ANKRD22: variants seen among roughly 807,000 people sequenced by gnomAD.
The protein encoded by ANKRD22 is ankyrin repeat domain 22, also known as ankyrin repeat domain-containing protein 22.
Under a neutral mutation model 25.7 loss-of-function variants are expected in ANKRD22, and 24 were observed. The observed-to-expected ratio is 0.93, with a 90% CI of 0.68 to 1.31. The LOEUF (loss-of-function observed/expected upper bound fraction) is 1.31. Ranked by LOEUF, ANKRD22 falls within the 50% of genes most tolerant of loss-of-function variation. The pLI is 0.00. For synonymous variants in ANKRD22, 84 were observed against 84.3 expected, an observed-to-expected ratio of 1.00 and a Z score of 0.02; for missense variants, 214 against 227.1, an observed-to-expected ratio of 0.94 and a Z score of 0.37.
At chr10:88,846,879 G>A (rs935480878) in intron 1 of ANKRD22, among the ~76,000 whole-genome samples, 3 of 152,102 alleles carry the variant, frequency 2.0e-5, no homozygotes, top group Non-Finnish European at 4.4e-5. Flanking sequence ...TTTTATCAGT[G>A]ATGATCTTGG....
rs1843777163 is a variant in ANKRD22 at position 88,820,445 on chromosome 10, C to T, written c.*2496G>A. 1 of 1,552,034 alleles carries T rather than the reference C, an allele frequency of 6.4e-7. No individual in the cohort carries two copies. The highest frequency in any genetic ancestry group is 1.4e-5 in the African/African-American group (1 of 73,176). On this transcript the variant is annotated 3_prime_UTR_variant, in exon 6 of 6. Transcript: ENST00000371930. ...CCGTATGTACAATGAAATCATCCAT[C>T]TGATGCAGCAGGAGGAGACCAACCT... is the stretch of plus-strand genomic sequence containing the variant.
chr10:88,834,763 C>T (rs960357856), intron 1 of ANKRD22, among the ~76,000 whole-genome samples: 2 of 151,996 alleles, frequency 1.3e-5, no homozygotes, highest in African/African-American at 2.4e-5. Flanking sequence ...GGAGAAACCC[C>T]ATCCCTATTA....
intron 3 of ANKRD22, 122 bp downstream of exon 3, chr10:88,828,437 A>G: frequency 1.3e-6 from 1 of 770,626 alleles, no homozygotes; most frequent in South Asian, 1.6e-5. Flanking sequence ...CAATTACAGA[A>G]TACAAACCAA....
At chr10:88,823,820 T>C (rs1186087806) in intron 4 of ANKRD22, among the ~76,000 whole-genome samples, 83 of 42,784 alleles carry the variant, frequency 1.9e-3, no homozygotes, top group East Asian at 1.8e-3. Flanking sequence ...AGAGCGAGAC[T>C]CCGTCTCAAA....
intron 1 of ANKRD22, among the ~76,000 whole-genome samples, chr10:88,835,073 G>T (rs2133075619): frequency 6.6e-6 from 1 of 152,200 alleles, no homozygotes; most frequent in Middle Eastern, 3.4e-3. Flanking sequence ...ACATTACACT[G>T]GTTCTCTTCA....
At chr10:88,831,526 G>C (rs1205004052) in intron 2 of ANKRD22, among the ~76,000 whole-genome samples, 1 of 152,070 alleles carries the variant, frequency 6.6e-6, no homozygotes, top group African/African-American at 2.4e-5. Context: ...AGAGGGGAGA[G>C]GAAGAAAGAG....
intron 2 of ANKRD22, among the ~76,000 whole-genome samples, chr10:88,831,015 A>G (rs1236427838): frequency 1.3e-5 from 2 of 150,468 alleles, no homozygotes; most frequent in Non-Finnish European, 3.0e-5. Flanking sequence ...CTGATAATAC[A>G]TTGTTACTCC....
chr10:88,843,994 C>T (rs181039613), intron 1 of ANKRD22, among the ~76,000 whole-genome samples: 1 of 152,158 alleles, frequency 6.6e-6, no homozygotes, highest in East Asian at 1.9e-4. Context: ...ACAAACCCGA[C>T]ATTTTTAAAA....
chr10:88,847,543 G>A (rs1844060962), intron 1 of ANKRD22, among the ~76,000 whole-genome samples: 1 of 152,194 alleles, frequency 6.6e-6, no homozygotes, highest in African/African-American at 2.4e-5. Context: ...ACAGGCATGA[G>A]CCACTGCGCC....
intron 1 of ANKRD22, among the ~76,000 whole-genome samples, chr10:88,834,857 C>A (rs575279005): frequency 6.6e-6 from 1 of 151,994 alleles, no homozygotes; most frequent in South Asian, 2.1e-4. Context: ...ACAGGAGAAT[C>A]GCTTGATTCG....
At chr10:88,836,583 T>C (rs1431534709) in intron 1 of ANKRD22, among the ~76,000 whole-genome samples, 1 of 152,198 alleles carries the variant, frequency 6.6e-6, no homozygotes, top group Admixed American at 6.5e-5. Flanking sequence ...ACATTCTATC[T>C]CCAATCACTT....
At chr10:88,850,828 T>A (rs1262599737) in intron 1 of ANKRD22, among the ~76,000 whole-genome samples, 1 of 151,982 alleles carries the variant, frequency 6.6e-6, no homozygotes, top group Non-Finnish European at 1.5e-5. Context: ...TAATACTAGA[T>A]CAAAACTATC....
At position 88,823,528 on chromosome 10, in the gene ANKRD22, A is replaced by G. The variant is rs564306235; in HGVS notation, c.400-150T>C. On this transcript the variant is annotated intron_variant, in intron 4 of 5. Transcript: ENST00000371930. ...AAACCATTGATAGACAACTATTTCT[A>G]GTACTTAAAAAATTTTTCGCCGGGC... The G allele has an allele frequency of 1.3e-4, 85 of 657,320 alleles. 1 individual carries two copies. In the South Asian group the frequency reaches 1.5e-3, roughly 12 times the overall value. 40.7% of individuals were successfully genotyped at this position (657,320 alleles called of 1,614,324 possible).
intron 1 of ANKRD22, among the ~76,000 whole-genome samples, chr10:88,841,826 C>T (rs533186795): frequency 1.3e-5 from 2 of 152,252 alleles, no homozygotes; most frequent in East Asian, 1.9e-4. Context: ...ATAACTGCAA[C>T]CAATCAAATA....
intron 1 of ANKRD22, among the ~76,000 whole-genome samples, chr10:88,847,548 T>C (rs1844061035): frequency 6.6e-6 from 1 of 152,114 alleles, no homozygotes; most frequent in South Asian, 2.1e-4. Flanking sequence ...CATGAGCCAC[T>C]GCGCCTGGCC....
chr10:88,843,630 A>T (rs191628304), intron 1 of ANKRD22, among the ~76,000 whole-genome samples: 10 of 152,286 alleles, frequency 6.6e-5, no homozygotes, highest in African/African-American at 2.4e-4. Context: ...GTTTTTGGTT[A>T]TTACTATAAA....
chr10:88,825,182 T>C (rs1356603991), intron 4 of ANKRD22, among the ~76,000 whole-genome samples: 1 of 152,196 alleles, frequency 6.6e-6, no homozygotes, highest in East Asian at 1.9e-4. Flanking sequence ...TAAAATATGT[T>C]AGGCATCACA....
chr10:88,830,904 T>C (rs1843897328), intron 2 of ANKRD22, among the ~76,000 whole-genome samples: 1 of 152,244 alleles, frequency 6.6e-6, no homozygotes, highest in Non-Finnish European at 1.5e-5. Flanking sequence ...GTCCACGATG[T>C]TGCATATCTG....
rs1488165850 is a variant in ANKRD22 at position 88,820,313 on chromosome 10, C to T, written c.*2628G>A. 4 of 1,552,034 alleles carry T rather than the reference C, an allele frequency of 2.6e-6. No individual in the cohort carries two copies. The highest frequency in any genetic ancestry group is 1.4e-5 in the African/African-American group (1 of 73,016). ...AGGAGGTCAGGACTGGCTTTCAAAT[C>T]CAGAAGACGTGAAAATGCTGCTCTC... On this transcript the variant is annotated 3_prime_UTR_variant, in exon 6 of 6. Transcript: ENST00000371930.
Sources: allele counts gnomAD v4.1 joint callset (sites outside exome capture counted in the v4.1 genomes callset), GRCh38; gene constraint gnomAD v4.1.1; transcripts MANE v1.5; gene names NCBI Gene and HGNC (gene_info 2026-07-23, HGNC 2026-07-21).